Variants in SCNN1B observed in about 807,000 individuals in gnomAD.
SCNN1B encodes the protein sodium channel epithelial 1 subunit beta, also known as epithelial sodium channel subunit beta.
Under a neutral mutation model 65.3 loss-of-function variants are expected in SCNN1B, and 46 were observed. The observed-to-expected ratio is 0.70, with a 90% CI of 0.56 to 0.90. The LOEUF is 0.90. SCNN1B is among the 40% of genes least tolerant of loss of function. The pLI, the probability that SCNN1B is intolerant of heterozygous loss-of-function variation, is 0.00. For missense variants in SCNN1B, 751 were observed against 830.5 expected (o/e 0.90, Z 1.18); for synonymous variants, 349 against 330.6 (o/e 1.06, Z -0.60).
intron 1 of SCNN1B, among the ~76,000 whole-genome samples, chr16:23,332,438 C>A (rs1426062028): frequency 2.0e-5 from 3 of 152,084 alleles, no homozygotes; most frequent in Non-Finnish European, 4.4e-5. Flanking sequence ...CTCAGGTAAT[C>A]CACCCACCTC....
chr16:23,292,732 G>A (rs978212781), intron 2 of SCNN1B, among the ~76,000 whole-genome samples: 2 of 148,816 alleles, frequency 1.3e-5, no homozygotes, highest in East Asian at 4.1e-4. Context: ...TCGAACTCCT[G>A]GGCTCAAGTG....
At chr16:23,278,800 C>G (rs961262352) in intron 1 of SCNN1B, among the ~76,000 whole-genome samples, 2 of 151,884 alleles carry the variant, frequency 1.3e-5, no homozygotes, top group Non-Finnish European at 2.9e-5. Flanking sequence ...ATTAGCCCAG[C>G]TTGATTGCAT....
At chr16:23,332,341 G>A (rs949888870) in intron 1 of SCNN1B, among the ~76,000 whole-genome samples, 3 of 151,760 alleles carry the variant, frequency 2.0e-5, no homozygotes, top group Non-Finnish European at 4.4e-5. Flanking sequence ...GATTACAGGC[G>A]CCCACCACCA....
chr16:23,321,107 T>C (rs1961578012), intron 1 of SCNN1B, among the ~76,000 whole-genome samples: 1 of 152,170 alleles, frequency 6.6e-6, no homozygotes, highest in Non-Finnish European at 1.5e-5. Flanking sequence ...TGCAGTGGTA[T>C]GATAGCCGAC....
intron 1 of SCNN1B, among the ~76,000 whole-genome samples, chr16:23,338,525 A>T (rs1961989534): frequency 6.6e-6 from 1 of 152,254 alleles, no homozygotes; most frequent in Admixed American, 6.5e-5. Context: ...TGGATAATTG[A>T]GGTTTTGCTG....
At chr16:23,373,302 A>T (rs888186087) in intron 7 of SCNN1B, among the ~76,000 whole-genome samples, 6 of 151,936 alleles carry the variant, frequency 3.9e-5, no homozygotes, top group African/African-American at 1.5e-4. Flanking sequence ...AATTTTTAAA[A>T]TTTTTTGCAG....
chr16:23,317,893 G>A (rs1567295103), intron 1 of SCNN1B, among the ~76,000 whole-genome samples: 1 of 152,204 alleles, frequency 6.6e-6, no homozygotes, highest in Non-Finnish European at 1.5e-5. Context: ...ACATGATGAA[G>A]GATGCTTCTT....
At chr16:23,372,271 A>G in intron 7 of SCNN1B, 2 of 335,000 alleles carry the variant, frequency 6.0e-6, no homozygotes, top group South Asian at 5.7e-5. Flanking sequence ...CCTGCCATGA[A>G]TCTACAATAT....
intron 11 of SCNN1B, among the ~76,000 whole-genome samples, chr16:23,379,437 G>A (rs1227778973): frequency 2.6e-5 from 4 of 152,134 alleles, no homozygotes; most frequent in Non-Finnish European, 5.9e-5. Flanking sequence ...AGATAAGGGA[G>A]GTCTGCGTAG....
intron 1 of SCNN1B, among the ~76,000 whole-genome samples, chr16:23,315,586 T>A (rs1457677475): frequency 6.6e-6 from 1 of 152,174 alleles, no homozygotes; most frequent in Non-Finnish European, 1.5e-5. Context: ...GGAGGATTGC[T>A]TGAGCCCAGG....
At position 23,367,842 on chromosome 16, in the gene SCNN1B, G is replaced by A. The variant is rs762193510; in HGVS notation, c.777-14G>A. 1 of 1,599,260 alleles carries A rather than the reference G, an allele frequency of 6.3e-7. No individual in the cohort carries two copies. The highest frequency in any genetic ancestry group is 8.6e-7 in the Non-Finnish European group (1 of 1,166,464). On this transcript the variant is annotated splice_polypyrimidine_tract_variant and intron_variant, in intron 4 of 12. Transcript: ENST00000343070. The stretch of plus-strand genomic sequence containing the variant: ...TGGTGGAACCTGCCCTGCAGCTGAT[G>A]CTGTTTCTTTTAGGAACTTCACGTC...
intron 3 of SCNN1B, 101 bp from the exon 4 acceptor site, chr16:23,355,198 G>A (rs1255803332): frequency 1.2e-5 from 14 of 1,200,398 alleles, no homozygotes; most frequent in Non-Finnish European, 1.7e-5. Flanking sequence ...AAAGGTGGCT[G>A]GCAAAGCACA....
chr16:23,372,619 GT>G (rs1962808531), intron 7 of SCNN1B, among the ~76,000 whole-genome samples: 1 of 149,914 alleles, frequency 6.7e-6, no homozygotes, highest in African/African-American at 2.4e-5. Flanking sequence ...TCAGCCTCCC[GT>G]GTAGCTGGGA....
At chr16:23,370,411 G>A (rs563576378) in intron 5 of SCNN1B, among the ~76,000 whole-genome samples, 15 of 152,270 alleles carry the variant, frequency 9.9e-5, no homozygotes, top group African/African-American at 3.6e-4. Flanking sequence ...CGGCCAAGGA[G>A]CTCATGTTTA....
chr16:23,309,669 T>C (rs1221884011), intron 1 of SCNN1B, among the ~76,000 whole-genome samples: 1 of 152,206 alleles, frequency 6.6e-6, no homozygotes, highest in East Asian at 1.9e-4. Flanking sequence ...CTTTATATAC[T>C]AGCTGCATTG....
intron 1 of SCNN1B, among the ~76,000 whole-genome samples, chr16:23,312,259 C>T (rs1181017176): frequency 6.6e-6 from 1 of 152,174 alleles, no homozygotes; most frequent in Non-Finnish European, 1.5e-5. Flanking sequence ...CATGAGCTAC[C>T]TCGCCTGGCT....
At chr16:23,379,786 G>C (rs1458049432) in intron 11 of SCNN1B, among the ~76,000 whole-genome samples, 1 of 152,198 alleles carries the variant, frequency 6.6e-6, no homozygotes, top group Non-Finnish European at 1.5e-5. Flanking sequence ...GGAGAAAGGG[G>C]GCCATAGGAT....
At position 23,355,600 on chromosome 16, in the gene SCNN1B, G is replaced by A. The variant is rs553893203; in HGVS notation, c.776+111G>A. Reference sequence around the variant, plus strand: ...TTCCAATCCTGCCCAGCCACTTACCGGCTATCTGCAGCACAGTTTTCTGTG... The same window carrying A: ...TTCCAATCCTGCCCAGCCACTTACCAGCTATCTGCAGCACAGTTTTCTGTG... On this transcript the variant is annotated intron_variant, in intron 4 of 12. Coordinates refer to ENST00000343070, the MANE Select transcript of SCNN1B (RefSeq NM_000336.3). 4.6e-5 allele frequency: 50 copies of A among 1,077,720 alleles called. 1 individual carries two copies. Among genetic ancestry groups the A allele is most frequent in the Middle Eastern group, 2.7e-4 (1 of 3,680 alleles). The allele number at this position is 1,077,720 out of a possible 1,614,324, so 66.8% of individuals were successfully genotyped here.
intron 2 of SCNN1B, among the ~76,000 whole-genome samples, chr16:23,290,372 A>G (rs1960906029): frequency 6.6e-6 from 1 of 152,136 alleles, no homozygotes; most frequent in Non-Finnish European, 1.5e-5. Context: ...AGTGGCGCTG[A>G]TCATGGCTCA....
Sources: allele counts gnomAD v4.1 joint callset (sites outside exome capture counted in the v4.1 genomes callset), GRCh38; gene constraint gnomAD v4.1.1; transcripts MANE v1.5; gene names NCBI Gene and HGNC (gene_info 2026-07-23, HGNC 2026-07-21).